RAP1A: variants seen among roughly 807,000 people sequenced by gnomAD.
RAP1A encodes RAP1A, member of RAS oncogene family.
Under a neutral mutation model 26.4 loss-of-function variants are expected in RAP1A, and 6 were observed. That is an observed-to-expected ratio of 0.23 (90% confidence interval 0.12 to 0.45). The LOEUF (loss-of-function observed/expected upper bound fraction) is 0.45, where lower values mean the gene tolerates loss of function less well. Ranked by LOEUF, RAP1A falls within the 20% of genes least tolerant of loss-of-function variation. The pLI is 0.99. For synonymous variants in RAP1A, 73 were observed against 79.4 expected (o/e 0.92, Z 0.43); for missense variants, 121 against 217.2 (o/e 0.56, Z 2.78).
intron 1 of RAP1A, among the ~76,000 whole-genome samples, chr1:111,611,192 T>C (rs1658921598): frequency 6.6e-6 from 1 of 152,210 alleles, no homozygotes; most frequent in Non-Finnish European, 1.5e-5. Context: ...GGCTCCTAAC[T>C]TTTATCTAGT....
rs999257136 is a variant in RAP1A, at chr1:111,695,422, A to C, written c.126+13A>C. On this transcript the variant is annotated intron_variant, in intron 3 of 7. Coordinates refer to ENST00000369709, the MANE Select transcript of RAP1A (RefSeq NM_002884.4). The stretch of plus-strand genomic sequence containing the variant: ...TTCCTACAGAAAGGTAAAATGTGAA[A>C]CTTGTACACACATGCTTACAAGTAG... 1 of 1,515,516 alleles carries C rather than the reference A, an allele frequency of 6.6e-7. No homozygotes were observed. The allele number at this position is 1,515,516 out of a possible 1,614,324, so 93.9% of individuals were successfully genotyped here.
At chr1:111,625,719 A>G (rs995277348) in intron 1 of RAP1A, among the ~76,000 whole-genome samples, 1 of 152,144 alleles carries the variant, frequency 6.6e-6, no homozygotes, top group Non-Finnish European at 1.5e-5. Flanking sequence ...TTTAAATTCC[A>G]TCCTATGCTT....
At chr1:111,704,233 G>A (rs527956169) in intron 5 of RAP1A, 110 bp from the exon 6 acceptor site, 10 of 1,104,944 alleles carry the variant, frequency 9.1e-6, no homozygotes, top group South Asian at 7.5e-5. Flanking sequence ...TGAAGCTTGC[G>A]GTCCCAACTA....
intron 1 of RAP1A, 90 bp downstream of exon 1, chr1:111,620,024 G>T: frequency 5.1e-6 from 2 of 395,650 alleles, no homozygotes; most frequent in Non-Finnish European, 8.9e-6. Flanking sequence ...TCATGTCGCC[G>T]GTCAGTCGCC....
At chr1:111,597,575 A>C (rs1174482003) in intron 1 of RAP1A, among the ~76,000 whole-genome samples, 1 of 152,214 alleles carries the variant, frequency 6.6e-6, no homozygotes, top group Non-Finnish European at 1.5e-5. Flanking sequence ...GAGTGCCAGG[A>C]AAGAAAAAGC....
chr1:111,559,622 T>C (rs1165517274), intron 1 of RAP1A, among the ~76,000 whole-genome samples: 11 of 152,236 alleles, frequency 7.2e-5, no homozygotes, highest in African/African-American at 2.7e-4. Context: ...TGACACAAAC[T>C]ATATTTTGGG....
At chr1:111,652,007 T>C (rs1210804213) in intron 1 of RAP1A, among the ~76,000 whole-genome samples, 1 of 152,094 alleles carries the variant, frequency 6.6e-6, no homozygotes, top group African/African-American at 2.4e-5. Context: ...GGAGTCTCGC[T>C]CTGTCACCCA....
At chr1:111,669,972 A>G (rs1660923014) in intron 1 of RAP1A, among the ~76,000 whole-genome samples, 1 of 152,218 alleles carries the variant, frequency 6.6e-6, no homozygotes, top group Admixed American at 6.5e-5. Flanking sequence ...ATCAAAAGAC[A>G]GTAGAATAGT....
intron 1 of RAP1A, among the ~76,000 whole-genome samples, chr1:111,640,566 A>G (rs1272349629): frequency 6.6e-6 from 1 of 152,238 alleles, no homozygotes; most frequent in Non-Finnish European, 1.5e-5. Context: ...AAAGTATTAA[A>G]TAATTGTTAC....
intron 7 of RAP1A, among the ~76,000 whole-genome samples, chr1:111,712,221 T>C (rs183880923): frequency 7.4e-4 from 113 of 152,280 alleles, no homozygotes; most frequent in African/African-American, 2.6e-3. Context: ...ACTCCTCTTG[T>C]AAACTTCTAT....
Position 111,714,691 on chromosome 1 carries a change from G to A in RAP1A, c.*2290G>A, listed in dbSNP as rs1306118895. ...AAGGAAATCTGTGGTTGCTGAGCAG[G>A]ATGAAAAGTATCCTGTTAGAAAGTG... is the stretch of plus-strand genomic sequence containing the variant. On this transcript the variant is annotated 3_prime_UTR_variant, in exon 8 of 8. Coordinates refer to ENST00000369709, the MANE Select transcript of RAP1A (RefSeq NM_002884.4). 2.0e-5 allele frequency: 3 copies of A among 152,366 alleles called. No individual in the cohort carries two copies. Among genetic ancestry groups the A allele is most frequent in the African/African-American group, 7.2e-5 (3 of 41,568 alleles). 9.4% of individuals were successfully genotyped at this position (152,366 alleles called of 1,614,324 possible).
chr1:111,564,885 C>T (rs1657882781), intron 1 of RAP1A, among the ~76,000 whole-genome samples: 1 of 152,082 alleles, frequency 6.6e-6, no homozygotes, highest in African/African-American at 2.4e-5. Flanking sequence ...AAAAAGCCCC[C>T]CATGCTTGCT....
Position 111,704,376 on chromosome 1 carries a change from C to G in RAP1A, c.358C>G (p.Leu120Val). 6.2e-7 allele frequency: 1 copy of G among 1,613,644 alleles called. No homozygotes were observed. The highest frequency in any genetic ancestry group is 1.1e-5 in the South Asian group (1 of 91,076). Residue 120 changes from leucine (L) to valine (V), a missense_variant, in exon 6 of 8, where the codon CTG becomes GTG. Transcript: ENST00000369709. ...GATTTTGGTTGGCAATAAATGTGAC[C>G]TGGAAGATGAGCGAGTAGTTGGCAA... ...PMILVGNKCD[L>V]EDERVVGKEQ...
At chr1:111,704,050 A>G (rs1298531847) in intron 5 of RAP1A, among the ~76,000 whole-genome samples, 1 of 151,190 alleles carries the variant, frequency 6.6e-6, no homozygotes, top group Non-Finnish European at 1.5e-5. Flanking sequence ...CAGTCCTCCT[A>G]CCTCAGCCTC....
chr1:111,669,478 A>G (rs1438623014), intron 1 of RAP1A, among the ~76,000 whole-genome samples: 2 of 152,202 alleles, frequency 1.3e-5, no homozygotes, highest in Non-Finnish European at 2.9e-5. Flanking sequence ...TGGCAATGAG[A>G]TATTTTTGCC....
intron 1 of RAP1A, among the ~76,000 whole-genome samples, chr1:111,657,367 A>G (rs1660495300): frequency 6.6e-6 from 1 of 152,244 alleles, no homozygotes. Flanking sequence ...CTTGGGTCCC[A>G]TTCCCAATAG....
chr1:111,702,199 C>G (rs563760266), intron 4 of RAP1A, among the ~76,000 whole-genome samples: 1 of 152,118 alleles, frequency 6.6e-6, no homozygotes, highest in Non-Finnish European at 1.5e-5. Flanking sequence ...TTATCTTTTA[C>G]GTTTAATGCA....
chr1:111,631,570 C>T (rs1033087874), intron 1 of RAP1A, among the ~76,000 whole-genome samples: 1 of 152,100 alleles, frequency 6.6e-6, no homozygotes, highest in Non-Finnish European at 1.5e-5. Context: ...TAGAGAATCA[C>T]GTGGGTAGTA....
chr1:111,704,568 T>G, intron 6 of RAP1A, 82 bp downstream of exon 6: 2 of 1,370,836 alleles, frequency 1.5e-6, no homozygotes, highest in East Asian at 2.5e-5. Context: ...AAGAAAAAAT[T>G]TTTATCTTTT....
Sources: allele counts gnomAD v4.1 joint callset (sites outside exome capture counted in the v4.1 genomes callset), GRCh38; gene constraint gnomAD v4.1.1; transcripts MANE v1.5; gene names NCBI Gene and HGNC (gene_info 2026-07-23, HGNC 2026-07-21).